GNS: variants seen among roughly 807,000 people sequenced by gnomAD.
GNS encodes N-acetylglucosamine-6-sulfatase.
GNS carries 40 observed loss-of-function variants against 69.7 expected under a neutral mutation model. The observed-to-expected ratio is 0.57, with a 90% CI of 0.45 to 0.75. GNS has a LOEUF of 0.75. GNS is among the 30% of genes least tolerant of loss of function. The probability of loss-of-function intolerance (pLI) is 0.00; values close to 1 mark genes in which losing one functional copy is unlikely to be tolerated. For missense variants in GNS, 565 were observed against 685.5 expected, an observed-to-expected ratio of 0.82 and a Z score of 1.96; for synonymous variants, 243 against 251.6, an observed-to-expected ratio of 0.97 and a Z score of 0.32.
Position 64,759,300 on chromosome 12 carries a change from C to CCGGGACGGGA in GNS, c.-34_-25dup. ...ATAGCGGACAGGCTCCGGGGTGACC[C>CCGGGACGGGA]CGGGACGGGACGGGACGGAGGGACG... On this transcript the variant is annotated 5_prime_UTR_variant, in exon 1 of 14. Coordinates refer to ENST00000258145, the MANE Select transcript of GNS (RefSeq NM_002076.4). 1 of 1,467,668 alleles carries CCGGGACGGGA rather than the reference C, an allele frequency of 6.8e-7. No homozygotes were observed. The highest frequency in any genetic ancestry group is 9.0e-7 in the Non-Finnish European group (1 of 1,105,614). The allele number at this position is 1,467,668 out of a possible 1,614,324, so 90.9% of individuals were successfully genotyped here.
At position 64,729,136 on chromosome 12, in the gene GNS, C is replaced by T. The variant is rs182137117; in HGVS notation, c.1099-79G>A. 5.7e-5 allele frequency: 45 copies of T among 784,412 alleles called. No homozygotes were observed. In the East Asian group the frequency reaches 1.1e-3, roughly 19 times the overall value. 48.6% of individuals were successfully genotyped at this position (784,412 alleles called of 1,614,324 possible). ...TCTACCTATACTAAAGTTCTCTTCC[C>T]CCCACCCCGCCCATGAGACAACAGC... On this transcript the variant is annotated intron_variant, in intron 9 of 13. Transcript: ENST00000258145.
chr12:64,750,077 G>A (rs1475040341), intron 2 of GNS, among the ~76,000 whole-genome samples: 3 of 151,768 alleles, frequency 2.0e-5, no homozygotes, highest in Non-Finnish European at 2.9e-5. Flanking sequence ...ATGGAGTTTC[G>A]CTCTTGTCAC....
rs764872311 is a variant in GNS at position 64,740,660 on chromosome 12, T to C, written c.821A>G (p.Lys274Arg). The C allele has an allele frequency of 1.3e-6, 2 of 1,586,332 alleles. No homozygotes were observed. Among genetic ancestry groups the C allele is most frequent in the South Asian group, 1.1e-5 (1 of 90,494 alleles). ...TATTGAAGAATTAGTCATTGGAGTC[T>C]TGGCTTGCCTAATTAACCAGTGCTT... ...TNKHWLIRQA[K>R]TPMTNSSIQF... Residue 274 changes from lysine to arginine, a missense_variant, in exon 7 of 14, where the codon AAG (lysine) becomes AGG (arginine). Lys to Arg is a conservative substitution (Grantham distance 26). Transcript: ENST00000258145.
intron 5 of GNS, 145 bp from the exon 6 acceptor site, chr12:64,743,453 C>A: frequency 1.5e-6 from 1 of 676,962 alleles, no homozygotes. Context: ...TAGCCATTTG[C>A]AAGCATATTG....
chr12:64,737,709 A>C (rs1447320616), intron 8 of GNS, among the ~76,000 whole-genome samples: 4 of 152,202 alleles, frequency 2.6e-5, no homozygotes, highest in African/African-American at 9.6e-5. Flanking sequence ...CAGCACTCCA[A>C]AAACAGTGCA....
At chr12:64,729,276 C>A in intron 9 of GNS, 1 of 536,328 alleles carries the variant, frequency 1.9e-6, no homozygotes, top group Non-Finnish European at 3.3e-6. Flanking sequence ...GTATATCCCC[C>A]TGGCAAGTTA....
At chr12:64,756,263 A>C (rs1002315379) in intron 1 of GNS, among the ~76,000 whole-genome samples, 1 of 152,212 alleles carries the variant, frequency 6.6e-6, no homozygotes, top group Non-Finnish European at 1.5e-5. Context: ...GTTAACCACT[A>C]TTTATTTTGC....
At chr12:64,728,118 G>A (rs1266568216) in intron 10 of GNS, among the ~76,000 whole-genome samples, 1 of 152,060 alleles carries the variant, frequency 6.6e-6, no homozygotes, top group South Asian at 2.1e-4. Flanking sequence ...AGAGACAGAG[G>A]TTCACCATGT....
At chr12:64,748,641 C>T (rs1297356773) in intron 2 of GNS, among the ~76,000 whole-genome samples, 2 of 152,116 alleles carry the variant, frequency 1.3e-5, no homozygotes, top group Admixed American at 6.5e-5. Context: ...TACACATTTC[C>T]TATATCATTT....
Position 64,739,436 on chromosome 12 carries a change from A to G in GNS, c.939T>C (p.Thr313=). The G allele has an allele frequency of 6.2e-7, 1 of 1,609,894 alleles. No homozygotes were observed. Among genetic ancestry groups the G allele is most frequent in the East Asian group, 2.2e-5 (1 of 44,856 alleles). The change falls in exon 8 of 14, where the codon ACT becomes ACC. Residue 313 remains threonine (T), a synonymous_variant. Transcript: ENST00000258145. ...AGATGTAAGTGTTGTTGAGCTCCCCAGTGAACTCCAGCCTCTTGACCAGTT... is the reference window on the plus strand; with the variant it reads ...AGATGTAAGTGTTGTTGAGCTCCCCGGTGAACTCCAGCCTCTTGACCAGTT... ...VEKLVKRLEF[T]GELNNTYIFY...
intron 10 of GNS, among the ~76,000 whole-genome samples, chr12:64,725,888 C>T (rs910627150): frequency 1.4e-5 from 2 of 146,370 alleles, no homozygotes; most frequent in Non-Finnish European, 3.0e-5. Context: ...CCCAGCTACT[C>T]GGGAGGCTGA....
chr12:64,752,969 T>C, intron 1 of GNS: 1 of 585,844 alleles, frequency 1.7e-6, no homozygotes, highest in Non-Finnish European at 3.0e-6. Flanking sequence ...TCAAAATGCT[T>C]GCAGGAAGGG....
In GNS at chr12:64,722,989, T is replaced by C; in HGVS notation, c.1308+17A>G. 1 of 1,433,438 alleles carries C rather than the reference T, an allele frequency of 7.0e-7. No individual in the cohort carries two copies. Among genetic ancestry groups the C allele is most frequent in the Non-Finnish European group, 9.9e-7 (1 of 1,014,880 alleles). 88.8% of individuals were successfully genotyped at this position (1,433,438 alleles called of 1,614,324 possible). A position where few individuals can be genotyped will look rare whatever the true frequency, so the allele number is the denominator to read the frequency against. ...TCAGTGAGAAAGCTGTCTAAGTTGA[T>C]TCAAGCTATTACTCACAGATACGCC... is the stretch of plus-strand genomic sequence containing the variant. On this transcript the variant is annotated intron_variant, in intron 11 of 13. Coordinates refer to ENST00000258145, the MANE Select transcript of GNS (RefSeq NM_002076.4).
At chr12:64,740,815 C>A in intron 6 of GNS, 127 bp from the exon 7 acceptor site, 1 of 674,022 alleles carries the variant, frequency 1.5e-6, no homozygotes. Flanking sequence ...CTAACTGGAA[C>A]TTGTTTAAGC....
chr12:64,747,951 C>A lies in GNS; in HGVS notation c.253-33G>T. On this transcript the variant is annotated intron_variant, in intron 2 of 13. Coordinates refer to ENST00000258145, the MANE Select transcript of GNS (RefSeq NM_002076.4). ...GGAAAGGAAGCAAAAACGACAAAGT[C>A]ACACAAGAAAGATGGACTTCTCATC... 2.5e-6 allele frequency: 3 copies of A among 1,185,644 alleles called. No homozygotes were observed. The South Asian group carries it at 3.6e-5, about 14-fold the overall frequency. The allele number at this position is 1,185,644 out of a possible 1,614,324, so 73.4% of individuals were successfully genotyped here.
chr12:64,747,482 GT>G (rs1214939424), intron 3 of GNS, among the ~76,000 whole-genome samples: 1 of 152,172 alleles, frequency 6.6e-6, no homozygotes, highest in Non-Finnish European at 1.5e-5. Context: ...GGAAGAACAA[GT>G]GCCCATATCA....
At chr12:64,758,370 T>G (rs2136258073) in intron 1 of GNS, among the ~76,000 whole-genome samples, 1 of 135,070 alleles carries the variant, frequency 7.4e-6, no homozygotes, top group Non-Finnish European at 1.5e-5. Flanking sequence ...GTCGCCAGGC[T>G]GGAATGCAGT....
intron 9 of GNS, among the ~76,000 whole-genome samples, chr12:64,730,304 G>A (rs1869342943): frequency 2.6e-5 from 4 of 152,100 alleles, no homozygotes; most frequent in Non-Finnish European, 4.4e-5. Context: ...GGAAGTAACA[G>A]TCTTCAAAAC....
intron 13 of GNS, among the ~76,000 whole-genome samples, chr12:64,719,075 T>TA (rs2136236170): frequency 6.6e-6 from 1 of 152,368 alleles, no homozygotes; most frequent in East Asian, 1.9e-4. Context: ...ATTATCTTTT[T>TA]ATATTGTTAC....
Sources: allele counts gnomAD v4.1 joint callset (sites outside exome capture counted in the v4.1 genomes callset), GRCh38; gene constraint gnomAD v4.1.1; transcripts MANE v1.5; gene names NCBI Gene and HGNC (gene_info 2026-07-23, HGNC 2026-07-21).